CCDC136: variants seen among roughly 807,000 people sequenced by gnomAD.
The protein encoded by CCDC136 is coiled-coil domain containing 136, also known as coiled-coil domain-containing protein 136.
CCDC136 carries 100 observed loss-of-function variants against 141.2 expected under a neutral mutation model. The ratio of observed to expected loss-of-function variants is 0.71; its 90% CI spans 0.60 to 0.84. The LOEUF is 0.84. Ranked by LOEUF, CCDC136 falls within the 40% of genes least tolerant of loss-of-function variation. The pLI is 0.00. For missense variants in CCDC136, 1,206 were observed against 1,379.4 expected (o/e 0.87, Z 1.99); for synonymous variants, 474 against 531.9 (o/e 0.89, Z 1.50).
chr7:128,814,338 A>G (rs901333748), intron 14 of CCDC136, among the ~76,000 whole-genome samples: 1 of 152,008 alleles, frequency 6.6e-6, no homozygotes, highest in African/African-American at 2.4e-5. Context: ...TGCCCACCTC[A>G]GCCTCTTGAA....
intron 10 of CCDC136, 92 bp downstream of exon 10, chr7:128,807,637 G>A: frequency 1.3e-6 from 1 of 798,132 alleles, no homozygotes; most frequent in African/African-American, 1.8e-5. Flanking sequence ...CAACCCAAGG[G>A]CTTGATGGCC....
Position 128,807,431 on chromosome 7 carries a change from G to A in CCDC136, c.1491G>A (p.Arg497=). Residue 497 remains arginine (R), a synonymous_variant, in exon 10 of 18, where the codon CGG becomes CGA. Transcript: ENST00000297788. The part of the protein sequence containing the change: ...LYQASKDELE[R]QKHMYDQLEQ... ...AGGCCAGCAAGGACGAGCTGGAGCG[G>A]CAGAAGCACATGTATGACCAGCTGG... is the stretch of plus-strand genomic sequence containing the variant. The A allele has an allele frequency of 6.3e-7, 1 of 1,577,556 alleles. No homozygotes were observed. Among genetic ancestry groups the A allele is most frequent in the Admixed American group, 1.8e-5 (1 of 55,030 alleles).
chr7:128,792,238 A>G lies in CCDC136; in HGVS notation c.-174A>G. ...GATCCCAGAGCCTCGAGGAGCTGGAAGACATGTCCCCTTCTTTCCTCTGCA... is the reference window on the plus strand; with the variant it reads ...GATCCCAGAGCCTCGAGGAGCTGGAGGACATGTCCCCTTCTTTCCTCTGCA... On this transcript the variant is annotated 5_prime_UTR_variant, in exon 1 of 18. Transcript: ENST00000297788. 2.6e-6 allele frequency: 4 copies of G among 1,520,842 alleles called. No homozygotes were observed. In the South Asian group the frequency reaches 5.0e-5, roughly 19 times the overall value. The allele number at this position is 1,520,842 out of a possible 1,614,324, so 94.2% of individuals were successfully genotyped here. A position where few individuals can be genotyped will look rare whatever the true frequency, so the allele number is the denominator to read the frequency against.
chr7:128,797,863 G>T (rs1334818025), intron 3 of CCDC136, among the ~76,000 whole-genome samples: 1 of 150,732 alleles, frequency 6.6e-6, no homozygotes, highest in Non-Finnish European at 1.5e-5. Context: ...TCAAACGGGC[G>T]AAAAGTCAGA....
intron 10 of CCDC136, among the ~76,000 whole-genome samples, chr7:128,808,119 C>G (rs1028578442): frequency 6.6e-6 from 1 of 152,202 alleles, no homozygotes; most frequent in African/African-American, 2.4e-5. Flanking sequence ...TCACTGCAGC[C>G]TCCGCCTCCT....
chr7:128,812,386 G>A (rs1395692850), intron 13 of CCDC136, 74 bp downstream of exon 13: 2 of 1,453,282 alleles, frequency 1.4e-6, no homozygotes, highest in African/African-American at 1.4e-5. Context: ...ATCGCCAGGG[G>A]AAGGGGCAAG....
intron 3 of CCDC136, among the ~76,000 whole-genome samples, chr7:128,797,750 T>A (rs1277639383): frequency 6.6e-6 from 1 of 152,210 alleles, no homozygotes; most frequent in East Asian, 1.9e-4. Flanking sequence ...AAAAGATTAT[T>A]TCTTTTCTTT....
At chr7:128,812,958 C>G in intron 14 of CCDC136, 29 bp downstream of exon 14, 1 of 1,500,258 alleles carries the variant, frequency 6.7e-7, no homozygotes. Context: ...GCAGGGTTTC[C>G]TCTGGCAGCC....
At position 128,809,451 on chromosome 7, in the gene CCDC136, G is replaced by A. The variant is rs1220862811; in HGVS notation, c.1607G>A (p.Cys536Tyr). 2.0e-6 allele frequency: 3 copies of A among 1,533,786 alleles called. No individual in the cohort carries two copies. The highest frequency in any genetic ancestry group is 2.6e-6 in the Non-Finnish European group (3 of 1,134,100). The part of the protein sequence containing the change: ...PEDKGKCANK[C>Y]DTLLSRLTEL... Reference sequence around the variant, plus strand: ...CTCCACACCCGCCCCCACCCACAGTGTGACACACTGCTGTCCAGACTGACA... The same window carrying A: ...CTCCACACCCGCCCCCACCCACAGTATGACACACTGCTGTCCAGACTGACA... Residue 536 changes from cysteine (C) to tyrosine (Y), a missense_variant and splice_region_variant, in exon 11 of 18, where the codon TGT becomes TAT. Cys to Tyr is a radical substitution (Grantham distance 194, BLOSUM62 -2). Transcript: ENST00000297788.
Position 128,805,065 on chromosome 7 carries a change from T to G in CCDC136, c.783-294T>G, listed in dbSNP as rs912474416. On this transcript the variant is annotated intron_variant, in intron 5 of 17. Transcript: ENST00000297788. This position sits in a 1 kb window ranked among gnomAD's most constrained non-coding sequence, Gnocchi z 4.6. Reference sequence around the variant, plus strand: ...TCTTTTATTGTCTGCATAGACTTGTTTCAGTCTAATGGCAGGCACAATGCT... The same window carrying G: ...TCTTTTATTGTCTGCATAGACTTGTGTCAGTCTAATGGCAGGCACAATGCT... Among the ~76,000 whole-genome samples the G allele has an allele frequency of 4.6e-5, 7 of 152,210 alleles. No homozygotes were observed. The highest frequency in any genetic ancestry group is 8.8e-5 in the Non-Finnish European group (6 of 68,034).
chr7:128,811,027 G>A (rs1215546474), intron 12 of CCDC136, among the ~76,000 whole-genome samples: 2 of 152,192 alleles, frequency 1.3e-5, no homozygotes, highest in Admixed American at 6.5e-5. Context: ...TTCTCTTCAG[G>A]GTTGGGGGAT....
chr7:128,791,892 G>C, upstream of CCDC136: 1 of 486,518 alleles, frequency 2.1e-6, no homozygotes, highest in African/African-American at 2.0e-5. The surrounding 1 kb of genome is among the most constrained non-coding windows in gnomAD (Gnocchi z 7.1). Context: ...GCAAGGTCCA[G>C]CGAGAGAATG....
chr7:128,815,596 C>T lies in CCDC136; in HGVS notation c.3046-18C>T. 1.3e-6 allele frequency: 2 copies of T among 1,546,594 alleles called. No homozygotes were observed. Among genetic ancestry groups the T allele is most frequent in the Non-Finnish European group, 1.7e-6 (2 of 1,144,656 alleles). ...ACAGGTAACGCAGCCGCCATCCTGC[C>T]CTACTCCCACCCCACAGAGTCTGGA... is the stretch of plus-strand genomic sequence containing the variant. On this transcript the variant is annotated intron_variant, in intron 15 of 17. Transcript: ENST00000297788.
chr7:128,791,703 G>C (rs1378131737), upstream of CCDC136: 1 of 491,802 alleles, frequency 2.0e-6, no homozygotes, highest in Non-Finnish European at 3.2e-6. This position sits in a 1 kb window ranked among gnomAD's most constrained non-coding sequence, Gnocchi z 7.1. Context: ...ACCGGGGCCC[G>C]GTCTCCATCC....
chr7:128,820,185 G>T (rs1163862151), intron 17 of CCDC136, among the ~76,000 whole-genome samples: 1 of 152,180 alleles, frequency 6.6e-6, no homozygotes, highest in African/African-American at 2.4e-5. Flanking sequence ...TGAGGACAGA[G>T]CCTCTAGAGT....
At chr7:128,808,808 A>C in intron 10 of CCDC136, 2 of 985,410 alleles carry the variant, frequency 2.0e-6, no homozygotes, top group Non-Finnish European at 2.4e-6. Flanking sequence ...AATGGGAAAA[A>C]TGATGGGAAA....
chr7:128,817,958 T>A lies in CCDC136; in HGVS notation c.*5+94T>A. 2 of 934,914 alleles carry A rather than the reference T, an allele frequency of 2.1e-6. No individual in the cohort carries two copies. Among genetic ancestry groups the A allele is most frequent in the South Asian group, 1.5e-5 (1 of 66,568 alleles). The allele number at this position is 934,914 out of a possible 1,614,324, so 57.9% of individuals were successfully genotyped here. Reference sequence around the variant, plus strand: ...TTCCCTTTTCTCCCAGCTGCTTGCTTCTTGCTTGTGCCATTTTATAATAGG... The same window carrying A: ...TTCCCTTTTCTCCCAGCTGCTTGCTACTTGCTTGTGCCATTTTATAATAGG... On this transcript the variant is annotated intron_variant, in intron 17 of 17. Transcript: ENST00000297788. This position sits in a 1 kb window ranked among gnomAD's most constrained non-coding sequence, Gnocchi z 4.6.
chr7:128,798,052 A>G (rs201750951), intron 3 of CCDC136, among the ~76,000 whole-genome samples: 3 of 145,968 alleles, frequency 2.1e-5, no homozygotes, highest in Non-Finnish European at 4.5e-5. Flanking sequence ...CGAGTAGCTG[A>G]GACTACAGGC....
chr7:128,794,268 A>T lies in CCDC136; in HGVS notation c.17-80A>T. On this transcript the variant is annotated intron_variant, in intron 1 of 17. Transcript: ENST00000297788. The surrounding 1 kb of genome is among the most constrained non-coding windows in gnomAD (Gnocchi z 4.3). ...ACTAGTATGTCATCTCTGCCCTGGC[A>T]TAGTGAGTTTGAGGGCCCTGGAAGG... 6.5e-7 allele frequency: 1 copy of T among 1,546,058 alleles called. No homozygotes were observed. Among genetic ancestry groups the T allele is most frequent in the Non-Finnish European group, 8.7e-7 (1 of 1,143,088 alleles).
Sources: allele counts gnomAD v4.1 joint callset (sites outside exome capture counted in the v4.1 genomes callset), GRCh38; gene constraint gnomAD v4.1.1; non-coding constraint Gnocchi (gnomAD v3.1); transcripts MANE v1.5; gene names NCBI Gene and HGNC (gene_info 2026-07-23, HGNC 2026-07-21).